Variants in PHACTR1 observed in about 807,000 individuals in gnomAD.
PHACTR1 encodes phosphatase and actin regulator 1, also known as RPEL repeat containing 1.
PHACTR1 carries 16 observed loss-of-function variants against 69.2 expected under a neutral mutation model. That is an observed-to-expected ratio of 0.23 (90% CI 0.16 to 0.35). PHACTR1 has a LOEUF of 0.35. PHACTR1 is among the 10% of genes least tolerant of loss of function. PHACTR1 has a pLI of 1.00. For missense variants in PHACTR1, 510 were observed against 734.7 expected (o/e 0.69, Z 3.54); for synonymous variants, 312 against 284.5 (o/e 1.10, Z -0.97).
At chr6:13,065,503 G>A (rs917821468) in intron 5 of PHACTR1, among the ~76,000 whole-genome samples, 3 of 152,096 alleles carry the variant, frequency 2.0e-5, no homozygotes, top group African/African-American at 4.8e-5. Context: ...TATGACTTTA[G>A]GGAAGCCACG....
chr6:13,133,817 TCTGCC>T (rs1204689473), intron 5 of PHACTR1, among the ~76,000 whole-genome samples: 5 of 149,630 alleles, frequency 3.3e-5, no homozygotes, highest in Non-Finnish European at 7.4e-5. Context: ...GAGGAGCGTC[TCTGCC>T]CAGCCGCCAT....
At chr6:13,273,731 C>T (rs1778247117) in intron 11 of PHACTR1, 1 of 152,238 alleles carries the variant, frequency 6.6e-6, no homozygotes, top group South Asian at 2.1e-4. Context: ...TGCTACCATT[C>T]TCGCCAACAC....
chr6:12,910,728 A>G (rs889682787), intron 4 of PHACTR1, among the ~76,000 whole-genome samples: 4 of 152,304 alleles, frequency 2.6e-5, no homozygotes, highest in East Asian at 1.9e-4. Context: ...AATCTTCCAC[A>G]TAGTCATGAA....
chr6:12,808,086 C>A (rs943745050), intron 4 of PHACTR1, among the ~76,000 whole-genome samples: 1 of 152,130 alleles, frequency 6.6e-6, no homozygotes, highest in Non-Finnish European at 1.5e-5. Flanking sequence ...AAGCAGGTAA[C>A]TTTTCCATTA....
intron 4 of PHACTR1, among the ~76,000 whole-genome samples, chr6:12,755,364 G>C (rs906422513): frequency 6.6e-5 from 10 of 152,140 alleles, no homozygotes; most frequent in Admixed American, 2.0e-4. Context: ...TCTAAGATGA[G>C]GGTTTTAGAT....
At chr6:13,267,247 A>T (rs1450612335) in intron 10 of PHACTR1, 1 of 152,230 alleles carries the variant, frequency 6.6e-6, no homozygotes, top group African/African-American at 2.4e-5. Flanking sequence ...CTAATAAGTA[A>T]CTTGCTAAAT....
intron 4 of PHACTR1, among the ~76,000 whole-genome samples, chr6:12,771,610 A>G (rs1769383410): frequency 6.6e-6 from 1 of 152,260 alleles, no homozygotes; most frequent in Non-Finnish European, 1.5e-5. Context: ...CAGTAGGACC[A>G]GCTCAAGTTC....
intron 4 of PHACTR1, among the ~76,000 whole-genome samples, chr6:12,869,970 G>T (rs1305837744): frequency 1.3e-5 from 2 of 152,174 alleles, no homozygotes; most frequent in Non-Finnish European, 2.9e-5. Flanking sequence ...TGTGACCTTA[G>T]ATAACCTTAT....
chr6:12,826,297 A>G (rs1416415982), intron 4 of PHACTR1, among the ~76,000 whole-genome samples: 3 of 152,240 alleles, frequency 2.0e-5, no homozygotes, highest in Non-Finnish European at 1.5e-5. Context: ...ACAAAAAAGT[A>G]AAAATAAAGT....
Position 12,903,282 on chromosome 6 carries a change from T to C in PHACTR1, c.251-150083T>C, listed in dbSNP as rs544253198. Among the ~76,000 whole-genome samples the C allele has an allele frequency of 3.3e-5, 5 of 152,276 alleles. No homozygotes were observed. In the South Asian group the frequency reaches 1.0e-3, roughly 32 times the overall value. On this transcript the variant is annotated intron_variant, in intron 4 of 14. Coordinates refer to ENST00000332995, the MANE Select transcript of PHACTR1 (RefSeq NM_030948.6). Reference sequence around the variant, plus strand: ...CAGTATAAGGCACAAAGCAACTGTGTGGTAAAGGGTGGATATTATTAAAGG... The same window carrying C: ...CAGTATAAGGCACAAAGCAACTGTGCGGTAAAGGGTGGATATTATTAAAGG...
chr6:12,944,938 A>G (rs1453113492), intron 4 of PHACTR1, among the ~76,000 whole-genome samples: 1 of 151,768 alleles, frequency 6.6e-6, no homozygotes, highest in East Asian at 1.9e-4. Flanking sequence ...ACCCGCCACC[A>G]CGCCTGGCTA....
chr6:13,193,382 T>TATATATATATATATATATATATAG, intron 7 of PHACTR1, among the ~76,000 whole-genome samples: 1 of 137,186 alleles, frequency 7.3e-6, no homozygotes, highest in Non-Finnish European at 1.6e-5. Context: ...TATATATATA[T>TATATATATATATATATATATATAG]ATAGTTTTGG....
At chr6:13,190,545 A>G (rs541061232) in intron 7 of PHACTR1, among the ~76,000 whole-genome samples, 1 of 152,158 alleles carries the variant, frequency 6.6e-6, no homozygotes, top group Admixed American at 6.5e-5. Flanking sequence ...TTAGTCATAT[A>G]CTCAAGGCAC....
At chr6:13,155,036 AT>A (rs1168224888) in intron 5 of PHACTR1, among the ~76,000 whole-genome samples, 2 of 151,922 alleles carry the variant, frequency 1.3e-5, no homozygotes. Context: ...AACCCACAGT[AT>A]TTTACTTCCT....
chr6:13,177,172 TAAA>T (rs530741132), intron 6 of PHACTR1, among the ~76,000 whole-genome samples: 4 of 63,376 alleles, frequency 6.3e-5, no homozygotes, highest in African/African-American at 4.1e-4. Flanking sequence ...ACCCCATCTC[TAAA>T]AAAAAAAAAA....
intron 4 of PHACTR1, among the ~76,000 whole-genome samples, chr6:12,868,309 C>T (rs1211005293): frequency 6.6e-6 from 1 of 151,560 alleles, no homozygotes; most frequent in African/African-American, 2.4e-5. Context: ...ACATGTCAAC[C>T]CTTCTAACCC....
At position 13,010,728 on chromosome 6, in the gene PHACTR1, C is replaced by T. The variant is rs539330970; in HGVS notation, c.251-42637C>T. On this transcript the variant is annotated intron_variant, in intron 4 of 14. Coordinates refer to ENST00000332995, the MANE Select transcript of PHACTR1 (RefSeq NM_030948.6). Reference sequence around the variant, plus strand: ...AGGGGATCTGCAAGTTAAGTGTATCCTAAATAAGGGATGGGAAGGAGACTG... The same window carrying T: ...AGGGGATCTGCAAGTTAAGTGTATCTTAAATAAGGGATGGGAAGGAGACTG... Among the ~76,000 whole-genome samples, 4 of 151,934 alleles carry T rather than the reference C, an allele frequency of 2.6e-5. 1 individual carries two copies. In the East Asian group the frequency reaches 7.7e-4, roughly 29 times the overall value.
intron 4 of PHACTR1, among the ~76,000 whole-genome samples, chr6:12,883,927 CAT>C (rs1783364409): frequency 6.6e-6 from 1 of 152,180 alleles, no homozygotes; most frequent in Non-Finnish European, 1.5e-5. Context: ...CACACACACA[CAT>C]GCCCATACAT....
At chr6:13,020,818 G>A (rs1050295245) in intron 4 of PHACTR1, among the ~76,000 whole-genome samples, 1 of 152,144 alleles carries the variant, frequency 6.6e-6, no homozygotes, top group Non-Finnish European at 1.5e-5. Context: ...GTCGATGAAT[G>A]TGTGTCCCTT....
Sources: gnomAD v4.1 joint callset for allele counts (sites outside exome capture counted in the v4.1 genomes callset) on GRCh38, gnomAD v4.1.1 for gene constraint, MANE v1.5 for transcripts, NCBI Gene and HGNC (gene_info 2026-07-23, HGNC 2026-07-21) for gene names.